The following GLCCI1 variants were observed in gnomAD, a reference collection of about 807,000 sequenced individuals.
GLCCI1 encodes glucocorticoid-induced transcript 1 protein.
Under a neutral mutation model 52.2 loss-of-function variants are expected in GLCCI1, and 24 were observed. The ratio of observed to expected loss-of-function variants is 0.46; its 90% confidence interval spans 0.33 to 0.65. The LOEUF is 0.65. GLCCI1 is among the 30% of genes least tolerant of loss of function. The pLI is 0.02. For missense variants in GLCCI1, 704 were observed against 701.5 expected, an observed-to-expected ratio of 1.00 and a Z score of -0.04; for synonymous variants, 310 against 276.5, an observed-to-expected ratio of 1.12 and a Z score of -1.20.
At chr7:7,977,615 T>C (rs1780521739) in intron 1 of GLCCI1, among the ~76,000 whole-genome samples, 1 of 152,186 alleles carries the variant, frequency 6.6e-6, no homozygotes, top group South Asian at 2.1e-4. Flanking sequence ...CTCTGCATCT[T>C]ATCTTCTGTG....
intron 5 of GLCCI1, among the ~76,000 whole-genome samples, chr7:8,068,416 C>T (rs1203384731): frequency 6.6e-6 from 1 of 152,214 alleles, no homozygotes; most frequent in Non-Finnish European, 1.5e-5. Context: ...ATTCTTTCCT[C>T]AGCTTGGTCT....
chr7:8,071,715 G>C (rs4725066), intron 6 of GLCCI1, among the ~76,000 whole-genome samples: 110,868 of 151,896 alleles, frequency 0.73, 40,828 homozygotes, highest in African/African-American at 0.83. Context: ...GTCTACTTGT[G>C]TACACCAACA....
chr7:7,996,111 T>C (rs1052040517), intron 1 of GLCCI1, among the ~76,000 whole-genome samples: 2 of 152,222 alleles, frequency 1.3e-5, no homozygotes, highest in East Asian at 3.8e-4. Context: ...TTGTGAAATA[T>C]TGTTTTCTGA....
intron 3 of GLCCI1, among the ~76,000 whole-genome samples, chr7:8,027,107 C>G (rs1183851877): frequency 6.6e-6 from 1 of 152,200 alleles, no homozygotes; most frequent in African/African-American, 2.4e-5. Context: ...ATAATTAGCA[C>G]CATCCAGGAA....
At chr7:7,978,277 G>C (rs1780536881) in intron 1 of GLCCI1, among the ~76,000 whole-genome samples, 1 of 152,032 alleles carries the variant, frequency 6.6e-6, no homozygotes, top group Non-Finnish European at 1.5e-5. Context: ...TAAAAAATCT[G>C]CCCATTTGTA....
intron 5 of GLCCI1, among the ~76,000 whole-genome samples, chr7:8,063,508 A>G (rs962780931): frequency 2.0e-5 from 3 of 150,978 alleles, no homozygotes; most frequent in African/African-American, 7.3e-5. Flanking sequence ...TGTGGTTTTG[A>G]CTTGCATTTT....
chr7:8,057,190 C>G (rs1229134253), intron 4 of GLCCI1, among the ~76,000 whole-genome samples: 1 of 152,006 alleles, frequency 6.6e-6, no homozygotes, highest in Non-Finnish European at 1.5e-5. Context: ...AGAATTTTCG[C>G]CCTTTGATAT....
At chr7:8,057,276 A>G (rs1303009354) in intron 4 of GLCCI1, among the ~76,000 whole-genome samples, 1 of 152,082 alleles carries the variant, frequency 6.6e-6, no homozygotes, top group Non-Finnish European at 1.5e-5. Flanking sequence ...TATTCATAAT[A>G]CTAAAAAAAA....
In GLCCI1 at chr7:8,061,832, A is replaced by G. The variant is rs535035345; in HGVS notation, c.966+1584A>G. On this transcript the variant is annotated intron_variant, in intron 5 of 7. Coordinates refer to ENST00000223145, the MANE Select transcript of GLCCI1 (RefSeq NM_138426.4). ...CAGGCACACACCACCATGCCCAGCT[A>G]ATTTTTGTATTTTTAGTGGAGACAG... Among the ~76,000 whole-genome samples, 24 of 151,674 alleles carry G rather than the reference A, an allele frequency of 1.6e-4. No individual in the cohort carries two copies. In the East Asian group the frequency reaches 4.5e-3, roughly 28 times the overall value.
At chr7:8,037,742 G>C (rs1156886073) in intron 3 of GLCCI1, among the ~76,000 whole-genome samples, 1 of 152,054 alleles carries the variant, frequency 6.6e-6, no homozygotes, top group Non-Finnish European at 1.5e-5. Flanking sequence ...AGCAGGAGTA[G>C]TCATACTTAC....
At chr7:8,075,138 A>G (rs947165171) in intron 6 of GLCCI1, among the ~76,000 whole-genome samples, 2 of 152,186 alleles carry the variant, frequency 1.3e-5, no homozygotes, top group African/African-American at 2.4e-5. Flanking sequence ...ATAATTTTGT[A>G]TTATCAATGT....
At position 8,086,226 on chromosome 7, in the gene GLCCI1, A is replaced by T; in HGVS notation, c.1332A>T (p.Ser444=). 1 of 1,613,954 alleles carries T rather than the reference A, an allele frequency of 6.2e-7. No homozygotes were observed. Among genetic ancestry groups the T allele is most frequent in the Non-Finnish European group, 8.5e-7 (1 of 1,179,956 alleles). Residue 444 remains serine, a synonymous_variant, in exon 8 of 8, where the codon TCA becomes TCT. Coordinates refer to ENST00000223145, the MANE Select transcript of GLCCI1 (RefSeq NM_138426.4). The surrounding 1 kb of genome is among the most constrained non-coding windows in gnomAD (Gnocchi z 4.4). ...SRQPISAPLF[S]CPDKNKVNFI... is the part of the protein sequence containing the mutation. ...AGCCTATCTCGGCCCCTCTCTTTTC[A>T]TGTCCTGACAAAAACAAGGTTAATT...
rs371468967 is a variant in GLCCI1, at chr7:7,983,003, A to G, written c.457+13196A>G. 1.3e-4 allele frequency among the ~76,000 whole-genome samples: 20 copies of G among 152,168 alleles called. No individual in the cohort carries two copies. The East Asian group carries it at 2.1e-3, about 16-fold the overall frequency. Reference sequence around the variant, plus strand: ...ATATTACTATTCAGTTATGTTAGCTAGTCTTTAGGACACTTGCCCCGTTGT... The same window carrying G: ...ATATTACTATTCAGTTATGTTAGCTGGTCTTTAGGACACTTGCCCCGTTGT... On this transcript the variant is annotated intron_variant, in intron 1 of 7. Transcript: ENST00000223145.
At chr7:8,051,281 C>G (rs1584001416) in intron 3 of GLCCI1, among the ~76,000 whole-genome samples, 1 of 152,260 alleles carries the variant, frequency 6.6e-6, no homozygotes, top group East Asian at 1.9e-4. Flanking sequence ...TTGCAGAGGT[C>G]TTCTATTTTC....
At position 8,060,279 on chromosome 7, in the gene GLCCI1, T is replaced by C. The variant is rs1238111273; in HGVS notation, c.966+31T>C. The stretch of plus-strand genomic sequence containing the variant: ...GTTACATGGGATATTTGAATCCTTT[T>C]TTTCTCTGATATAACGAACTGTCTG... On this transcript the variant is annotated intron_variant, in intron 5 of 7. Coordinates refer to ENST00000223145, the MANE Select transcript of GLCCI1 (RefSeq NM_138426.4). 3 of 1,565,166 alleles carry C rather than the reference T, an allele frequency of 1.9e-6. No individual in the cohort carries two copies. The Admixed American group carries it at 5.2e-5, about 27-fold the overall frequency.
intron 3 of GLCCI1, among the ~76,000 whole-genome samples, chr7:8,030,451 G>A (rs1781721266): frequency 6.6e-6 from 1 of 152,062 alleles, no homozygotes; most frequent in Non-Finnish European, 1.5e-5. Flanking sequence ...GAAACCATTG[G>A]GGAAATTCTC....
chr7:8,071,743 G>A (rs1486149558), intron 6 of GLCCI1, among the ~76,000 whole-genome samples: 1 of 152,020 alleles, frequency 6.6e-6, no homozygotes, highest in Non-Finnish European at 1.5e-5. Flanking sequence ...GGTTCTTTCT[G>A]TTTCTAGCCC....
chr7:8,077,343 C>T (rs1427863878), intron 6 of GLCCI1, among the ~76,000 whole-genome samples: 1 of 152,190 alleles, frequency 6.6e-6, no homozygotes, highest in Non-Finnish European at 1.5e-5. Flanking sequence ...GAAGCTCTTG[C>T]CTGAGCCATA....
In GLCCI1 at chr7:8,086,405, C is replaced by T. The variant is rs752605521; in HGVS notation, c.1511C>T (p.Thr504Met). The T allele has an allele frequency of 3.3e-5, 53 of 1,614,056 alleles. No individual in the cohort carries two copies. Among genetic ancestry groups the T allele is most frequent in the East Asian group, 6.7e-5 (3 of 44,892 alleles). The change falls in exon 8 of 8, where the codon ACG becomes ATG. Residue 504 changes from threonine (T) to methionine (M), a missense_variant. Thr to Met is a moderately conservative substitution (Grantham distance 81). Around this residue, in one of 3 missense-constraint regions of GLCCI1, gnomAD observed 149 missense variants for 152.9 expected, o/e 0.97. Coordinates refer to ENST00000223145, the MANE Select transcript of GLCCI1 (RefSeq NM_138426.4). This position sits in a 1 kb window ranked among gnomAD's most constrained non-coding sequence, Gnocchi z 4.4. ...CAGCTCTCATCCCGGGTTTCCTTTA[C>T]GTCTCTTTCTGATGACACCAGCACA... is the stretch of plus-strand genomic sequence containing the variant. The part of the protein sequence containing the change: ...VEQLSSRVSF[T>M]SLSDDTSTAG...
Sources: gnomAD v4.1 joint callset for allele counts (sites outside exome capture counted in the v4.1 genomes callset) on GRCh38, gnomAD v4.1.1 for gene constraint, gnomAD v4.1.1 regional missense constraint, Gnocchi (gnomAD v3.1) non-coding constraint, MANE v1.5 for transcripts, NCBI Gene and HGNC (gene_info 2026-07-23, HGNC 2026-07-21) for gene names.